Variants in ZNF91 observed in about 807,000 individuals in gnomAD.
The protein encoded by ZNF91 is zinc finger protein 91.
In ZNF91, 7 loss-of-function variants were observed where a neutral mutation model predicts 12.6. That is an observed-to-expected ratio of 0.55 (90% CI 0.31 to 1.04). The LOEUF (loss-of-function observed/expected upper bound fraction) is 1.04. Ranked by LOEUF, ZNF91 falls within the 50% of genes least tolerant of loss-of-function variation. The probability of loss-of-function intolerance (pLI) is 0.05; values close to 1 mark genes in which losing one functional copy is unlikely to be tolerated. For missense variants in ZNF91, 1,217 were observed against 1,385.4 expected (o/e 0.88, Z 1.93); for synonymous variants, 453 against 462.6 (o/e 0.98, Z 0.27).
At chr19:23,374,880 T>C in intron 1 of ZNF91, 116 bp from the exon 2 acceptor site, 1 of 1,479,968 alleles carries the variant, frequency 6.8e-7, no homozygotes, top group South Asian at 1.2e-5. Flanking sequence ...TAAGAGTGGC[T>C]GAAATTATCC....
rs374532385 is a variant in ZNF91, at chr19:23,362,025, T to A, written c.954A>T (p.Gly318=). Residue 318 remains glycine, a synonymous_variant, in exon 4 of 4, where the codon GGA becomes GGT. Transcript: ENST00000300619. ...ATTCTTCACATTTGTAGGGTTTCTC[T>A]CCAGTATGAATTCTCTTATGTTTAG... ...TLAKHKRIHT[G]EKPYKCEECG... is the part of the protein sequence containing the mutation. 1.5e-5 allele frequency: 24 copies of A among 1,614,032 alleles called. No individual in the cohort carries two copies. In the African/African-American group the frequency reaches 2.8e-4, roughly 19 times the overall value.
rs562991239 is a variant in ZNF91 at position 23,343,824 on chromosome 19, C to T, written c.254-4770G>A. 9.6e-4 allele frequency among the ~76,000 whole-genome samples: 146 copies of T among 152,350 alleles called. 1 individual carries two copies. The Middle Eastern group carries it at 0.014, about 14-fold the overall frequency. The stretch of plus-strand genomic sequence containing the variant: ...CCACCACTCGCCCACTGACTTCTAT[C>T]AGACCTCAGCTTGGGCTGGAACCTG... On this transcript the variant is annotated intron_variant, in intron 3 of 3. Coordinates refer to the ZNF91 transcript ENST00000599743.
At chr19:23,377,858 T>C (rs1365052031) in intron 1 of ZNF91, among the ~76,000 whole-genome samples, 1 of 152,236 alleles carries the variant, frequency 6.6e-6, no homozygotes, top group Non-Finnish European at 1.5e-5. Flanking sequence ...CATTATTTGA[T>C]TTAATTCTAA....
downstream of ZNF91, chr19:23,338,510 T>G (rs1968058204): frequency 6.6e-6 from 1 of 151,912 alleles, no homozygotes; most frequent in Non-Finnish European, 1.5e-5. Flanking sequence ...TGAAAGATGT[T>G]AAAAAAAATT....
chr19:23,349,829 T>G (rs1328673278), intron 3 of ZNF91, among the ~76,000 whole-genome samples: 1 of 152,030 alleles, frequency 6.6e-6, no homozygotes, highest in Non-Finnish European at 1.5e-5. Flanking sequence ...AATAATAATT[T>G]AAAACAAACA....
chr19:23,305,613 G>A (rs1967386650), intron 3 of ZNF91, among the ~76,000 whole-genome samples: 1 of 152,124 alleles, frequency 6.6e-6, no homozygotes, highest in Non-Finnish European at 1.5e-5. Flanking sequence ...TAGCCCAGGT[G>A]ACTCCAGTCA....
At chr19:23,374,557 C>G (rs1969427651) in intron 2 of ZNF91, 81 bp downstream of exon 2, 1 of 1,101,034 alleles carries the variant, frequency 9.1e-7, no homozygotes, top group Non-Finnish European at 1.2e-6. Flanking sequence ...AAGACTCTGT[C>G]TCAAAAAAAA....
At chr19:23,315,293 C>T (rs1190611508), upstream of ZNF91, among the ~76,000 whole-genome samples, 1 of 152,162 alleles carries the variant, frequency 6.6e-6, no homozygotes, top group African/African-American at 2.4e-5. Context: ...ATGGGCCCTG[C>T]CAACAGAAGG....
At chr19:23,387,609 C>T (rs1463808653) in intron 1 of ZNF91, among the ~76,000 whole-genome samples, 3 of 152,114 alleles carry the variant, frequency 2.0e-5, no homozygotes, top group Non-Finnish European at 4.4e-5. Flanking sequence ...TGGTGGCACA[C>T]ACCTGTGGCC....
intron 1 of ZNF91, among the ~76,000 whole-genome samples, chr19:23,391,051 ATTGTT>A (rs1251252127): frequency 1.3e-5 from 2 of 152,194 alleles, no homozygotes; most frequent in Admixed American, 1.3e-4. Flanking sequence ...TGAAATGGTA[ATTGTT>A]TTTAGTTCTG....
intron 3 of ZNF91, among the ~76,000 whole-genome samples, chr19:23,367,204 A>G (rs548415666): frequency 6.6e-6 from 1 of 152,352 alleles, no homozygotes; most frequent in East Asian, 1.9e-4. Context: ...AGGTGGAAAG[A>G]TAACTTGAGC....
In ZNF91 at chr19:23,362,541, G is replaced by A. The variant is rs747845278; in HGVS notation, c.438C>T (p.Leu146=). 6 of 1,601,102 alleles carry A rather than the reference G, an allele frequency of 3.7e-6. No homozygotes were observed. Among genetic ancestry groups the A allele is most frequent in the Non-Finnish European group, 5.1e-6 (6 of 1,175,044 alleles). ...GAAATACTTTGCTCTGGGCAGTTGTGAGACACTGGTTAAGTTTATTATAAC... is the reference window on the plus strand; with the variant it reads ...GAAATACTTTGCTCTGGGCAGTTGTAAGACACTGGTTAAGTTTATTATAAC... ...KEGYNKLNQC[L]TTAQSKVFQC... The change falls in exon 4 of 4, where the codon CTC becomes CTT. Residue 146 remains leucine (L), a synonymous_variant. Coordinates refer to ENST00000300619, the MANE Select transcript of ZNF91 (RefSeq NM_003430.4).
At chr19:23,384,693 T>G in intron 1 of ZNF91, 2 of 589,324 alleles carry the variant, frequency 3.4e-6, no homozygotes, top group Non-Finnish European at 6.2e-6. Context: ...TCTTTGGAGA[T>G]ATTTCCTTTC....
intron 1 of ZNF91, among the ~76,000 whole-genome samples, chr19:23,316,496 G>A (rs1232291913): frequency 4.6e-5 from 7 of 152,236 alleles, no homozygotes; most frequent in Admixed American, 2.6e-4. Context: ...GGGTTGTAAC[G>A]TATTCCTGGC....
chr19:23,388,166 AAC>A (rs1969939994), intron 1 of ZNF91, among the ~76,000 whole-genome samples: 1 of 152,098 alleles, frequency 6.6e-6, no homozygotes, highest in Non-Finnish European at 1.5e-5. Context: ...GAATTGCTGG[AAC>A]CCGAGAGGCG....
chr19:23,313,707 T>G (rs551317181), upstream of ZNF91, among the ~76,000 whole-genome samples: 110 of 152,310 alleles, frequency 7.2e-4, no homozygotes, highest in South Asian at 0.017. Flanking sequence ...CTGCTTAGGT[T>G]CTGAATCTCA....
chr19:23,327,230 T>C (rs990589840), intron 1 of ZNF91: 1 of 150,584 alleles, frequency 6.6e-6, no homozygotes, highest in Non-Finnish European at 1.5e-5. Flanking sequence ...TGATTATATA[T>C]CATATTTATA....
chr19:23,389,693 ATACTAATCCAGGAG>A (rs1969996999), intron 1 of ZNF91, among the ~76,000 whole-genome samples: 2 of 152,308 alleles, frequency 1.3e-5, no homozygotes, highest in African/African-American at 4.8e-5. Flanking sequence ...CCAGAGGTTT[ATACTAATCCAGGAG>A]TCTGTGGTAT....
upstream of ZNF91, among the ~76,000 whole-genome samples, chr19:23,311,241 A>G (rs952168198): frequency 6.6e-6 from 1 of 152,036 alleles, no homozygotes; most frequent in African/African-American, 2.4e-5. Flanking sequence ...GACTCTGACC[A>G]ATAAGGAATT....
Sources: allele counts gnomAD v4.1 joint callset (sites outside exome capture counted in the v4.1 genomes callset), GRCh38; gene constraint gnomAD v4.1.1; transcripts MANE v1.5; gene names NCBI Gene and HGNC (gene_info 2026-07-23, HGNC 2026-07-21).